Variants in CDKAL1 observed in about 807,000 individuals in gnomAD.
CDKAL1 encodes the protein CDKAL1 threonylcarbamoyladenosine tRNA methylthiotransferase.
CDKAL1 carries 32 observed loss-of-function variants against 68.2 expected under a neutral mutation model. That is an observed-to-expected ratio of 0.47 (90% CI 0.35 to 0.63). CDKAL1 has a LOEUF of 0.63. Ranked by LOEUF, CDKAL1 falls within the 30% of genes least tolerant of loss-of-function variation. The pLI is 0.00. For missense variants in CDKAL1, 606 were observed against 696.7 expected, an observed-to-expected ratio of 0.87 and a Z score of 1.47; for synonymous variants, 234 against 244.3, an observed-to-expected ratio of 0.96 and a Z score of 0.39.
intron 4 of CDKAL1, among the ~76,000 whole-genome samples, chr6:20,646,182 G>A (rs1232147609): frequency 2.1e-5 from 3 of 144,808 alleles, no homozygotes; most frequent in East Asian, 2.1e-4. Flanking sequence ...TCAGCCTCCC[G>A]AGTAGCTGGG....
intron 12 of CDKAL1, among the ~76,000 whole-genome samples, chr6:21,086,734 G>A (rs1448487426): frequency 6.6e-6 from 1 of 152,142 alleles, no homozygotes. Context: ...CCAGCTTTAA[G>A]TATGATTTAG....
At chr6:20,623,195 A>AT (rs996885160) in intron 4 of CDKAL1, among the ~76,000 whole-genome samples, 9 of 152,054 alleles carry the variant, frequency 5.9e-5, no homozygotes, top group African/African-American at 2.2e-4. Flanking sequence ...AAGCCCATTC[A>AT]TTTTTTTAGT....
intron 13 of CDKAL1, among the ~76,000 whole-genome samples, chr6:21,124,585 A>T (rs1215502401): frequency 6.6e-6 from 1 of 150,974 alleles, no homozygotes; most frequent in Non-Finnish European, 1.5e-5. Context: ...ACTACTTTTG[A>T]TTGTTCTCAT....
chr6:21,131,662 G>GA (rs1257669396), intron 13 of CDKAL1, among the ~76,000 whole-genome samples: 1 of 152,038 alleles, frequency 6.6e-6, no homozygotes, highest in East Asian at 1.9e-4. Context: ...CCTAACACTA[G>GA]AAAAAAACCA....
At chr6:20,780,082 C>G (rs1775349263) in intron 7 of CDKAL1, among the ~76,000 whole-genome samples, 1 of 134,176 alleles carries the variant, frequency 7.5e-6, no homozygotes, top group Non-Finnish European at 1.5e-5. Flanking sequence ...GACCCTGTCT[C>G]TTAAAAAACC....
intron 4 of CDKAL1, among the ~76,000 whole-genome samples, chr6:20,587,036 G>C (rs996619428): frequency 1.5e-5 from 2 of 135,246 alleles, no homozygotes; most frequent in African/African-American, 5.6e-5. Flanking sequence ...GCCCAGGCTG[G>C]AGGGCAATGG....
At chr6:21,144,528 G>A (rs2073527975) in intron 13 of CDKAL1, among the ~76,000 whole-genome samples, 1 of 151,756 alleles carries the variant, frequency 6.6e-6, no homozygotes. Context: ...GCCCACGTAT[G>A]TAATCCTAGC....
Position 20,781,147 on chromosome 6 carries a change from C to T in CDKAL1, c.520C>T (p.His174Tyr). 1 of 1,612,272 alleles carries T rather than the reference C, an allele frequency of 6.2e-7. No homozygotes were observed. Among genetic ancestry groups the T allele is most frequent in the Non-Finnish European group, 8.5e-7 (1 of 1,179,564 alleles). ...ATATTTATGTGCTTGATTTGAAGGTCACTCTGTGAGACTGCTGGGTCAGAA... is the reference window on the plus strand; with the variant it reads ...ATATTTATGTGCTTGATTTGAAGGTTACTCTGTGAGACTGCTGGGTCAGAA... Reference protein sequence around the residue: ...VEVVEETIKGHSVRLLGQKKD... With the variant: ...VEVVEETIKGYSVRLLGQKKD... Residue 174 changes from histidine (H) to tyrosine (Y), a missense_variant and splice_region_variant, in exon 8 of 16, where the codon CAC becomes TAC. Transcript: ENST00000274695.
chr6:20,688,136 C>G (rs555334603), intron 5 of CDKAL1, among the ~76,000 whole-genome samples: 1 of 152,072 alleles, frequency 6.6e-6, no homozygotes, highest in African/African-American at 2.4e-5. Context: ...CCTCACCCCC[C>G]ACCTCTGGCT....
intron 8 of CDKAL1, among the ~76,000 whole-genome samples, chr6:20,809,837 G>A (rs1273265126): frequency 6.6e-6 from 1 of 152,078 alleles, no homozygotes; most frequent in East Asian, 1.9e-4. Flanking sequence ...GCTGGTTTTT[G>A]TCTCTTTTAA....
At position 20,764,269 on chromosome 6, in the gene CDKAL1, C is replaced by A. The variant is rs184108526; in HGVS notation, c.517+5626C>A. The stretch of plus-strand genomic sequence containing the variant: ...CATTAGAAAAATGTTTTTACCATTA[C>A]GTCATGTTTCTTTACCAATCAACCT... On this transcript the variant is annotated intron_variant, in intron 7 of 15. Coordinates refer to ENST00000274695, the MANE Select transcript of CDKAL1 (RefSeq NM_017774.3). Among the ~76,000 whole-genome samples, 364 of 152,258 alleles carry A rather than the reference C, an allele frequency of 2.4e-3. 3 individuals are homozygous for A. Among genetic ancestry groups the A allele is most frequent in the Middle Eastern group, 6.8e-3 (2 of 294 alleles).
At chr6:20,763,468 C>G (rs1192958492) in intron 7 of CDKAL1, among the ~76,000 whole-genome samples, 1 of 152,156 alleles carries the variant, frequency 6.6e-6, no homozygotes, top group Non-Finnish European at 1.5e-5. Context: ...ATCTGCTTTG[C>G]TGGTACCCTG....
chr6:20,679,328 C>T (rs561378199), intron 5 of CDKAL1, among the ~76,000 whole-genome samples: 1 of 152,300 alleles, frequency 6.6e-6, no homozygotes, highest in African/African-American at 2.4e-5. Context: ...TTTTCTCACC[C>T]TACACATTTT....
At chr6:20,957,711 C>T (rs903085535) in intron 10 of CDKAL1, among the ~76,000 whole-genome samples, 3 of 152,086 alleles carry the variant, frequency 2.0e-5, no homozygotes, top group Admixed American at 1.3e-4. Flanking sequence ...TGGCTCACAC[C>T]TGTAATCCCA....
chr6:21,027,963 G>A (rs576321159), intron 11 of CDKAL1, among the ~76,000 whole-genome samples: 3 of 152,162 alleles, frequency 2.0e-5, no homozygotes, highest in Admixed American at 1.3e-4. Context: ...CACTTGGCCC[G>A]TGGTGCTAAG....
At chr6:20,964,467 T>TA (rs1318205905) in intron 10 of CDKAL1, among the ~76,000 whole-genome samples, 2 of 152,058 alleles carry the variant, frequency 1.3e-5, no homozygotes, top group African/African-American at 2.4e-5. Context: ...TATGCAACCA[T>TA]AAAAAAAGAA....
intron 9 of CDKAL1, among the ~76,000 whole-genome samples, chr6:20,885,811 A>G (rs181995547): frequency 2.6e-5 from 4 of 152,276 alleles, no homozygotes; most frequent in East Asian, 1.9e-4. Flanking sequence ...GCCTGATGCA[A>G]TGACTCACAC....
intron 11 of CDKAL1, among the ~76,000 whole-genome samples, chr6:21,058,316 C>T (rs1317939825): frequency 2.6e-5 from 4 of 152,152 alleles, no homozygotes. Context: ...TCTGTTTTGT[C>T]ATAAACTAGG....
chr6:20,934,059 A>G (rs1325675494), intron 9 of CDKAL1, among the ~76,000 whole-genome samples: 1 of 152,148 alleles, frequency 6.6e-6, no homozygotes, highest in Admixed American at 6.5e-5. Flanking sequence ...GGGATTCAAA[A>G]TAGATTTCGA....
Sources: gnomAD v4.1 joint callset for allele counts (sites outside exome capture counted in the v4.1 genomes callset) on GRCh38, gnomAD v4.1.1 for gene constraint, MANE v1.5 for transcripts, NCBI Gene and HGNC (gene_info 2026-07-23, HGNC 2026-07-21) for gene names.